Variants in SMC1B observed in about 807,000 individuals in gnomAD.
The protein encoded by SMC1B is structural maintenance of chromosomes 1B, also known as structural maintenance of chromosomes protein 1B.
Under a neutral mutation model 157.9 loss-of-function variants are expected in SMC1B, and 60 were observed. That is an observed-to-expected ratio of 0.38 (90% CI 0.31 to 0.47). The LOEUF (loss-of-function observed/expected upper bound fraction) is 0.47, where lower values mean the gene tolerates loss of function less well. Among genes scored for constraint, SMC1B ranks in the 20% least tolerant of loss-of-function variants. The pLI, the probability that SMC1B is intolerant of heterozygous loss-of-function variation, is 0.99. For missense variants in SMC1B, 1,165 were observed against 1,426.2 expected, an observed-to-expected ratio of 0.82 and a Z score of 2.95; for synonymous variants, 445 against 483.0, an observed-to-expected ratio of 0.92 and a Z score of 1.03.
At chr22:45,392,681 G>A (rs1181449075) in intron 9 of SMC1B, among the ~76,000 whole-genome samples, 1 of 151,970 alleles carries the variant, frequency 6.6e-6, no homozygotes, top group Non-Finnish European at 1.5e-5. Context: ...ATGAAAGTGT[G>A]GATATGGAGG....
intron 1 of SMC1B, among the ~76,000 whole-genome samples, chr22:45,412,444 C>A (rs537173732): frequency 6.6e-6 from 1 of 151,360 alleles, no homozygotes; most frequent in East Asian, 1.9e-4. Context: ...CATGATCCAC[C>A]CGCCTCGGCC....
intron 12 of SMC1B, among the ~76,000 whole-genome samples, chr22:45,380,954 G>T (rs2086930533): frequency 1.3e-5 from 2 of 148,986 alleles, no homozygotes; most frequent in Admixed American, 6.7e-5. Context: ...AACAATAAAA[G>T]AAGTACTTTT....
At chr22:45,388,543 A>G (rs2087015914) in intron 10 of SMC1B, among the ~76,000 whole-genome samples, 2 of 152,202 alleles carry the variant, frequency 1.3e-5, no homozygotes, top group Admixed American at 6.5e-5. Flanking sequence ...GACCATGAGT[A>G]ACACCAGCCA....
In SMC1B at chr22:45,362,995, TA is replaced by T; in HGVS notation, c.2451del (p.Asn818MetfsTer15). 1 of 1,590,572 alleles carries T rather than the reference TA, an allele frequency of 6.3e-7. No individual in the cohort carries two copies. The highest frequency in any genetic ancestry group is 2.3e-5 in the East Asian group (1 of 44,154). Reference sequence around the variant, plus strand: ...CTGCGACTATACTCAAGTTGAACATTAAGCCGAGTTTTTTGTTTTTCAAATT... The same window carrying T: ...CTGCGACTATACTCAAGTTGAACATTAGCCGAGTTTTTTGTTTTTCAAATT... ...RLEFEKQKTR[L>X]NVQLEYSRSH... On this transcript the variant is annotated frameshift_variant, in exon 16 of 25. Transcript: ENST00000357450. LOFTEE classifies it high-confidence loss of function.
intron 19 of SMC1B, 87 bp downstream of exon 19, chr22:45,358,610 C>A: frequency 2.4e-6 from 2 of 823,846 alleles, no homozygotes; most frequent in Non-Finnish European, 3.8e-6. Flanking sequence ...AAAAAACAAA[C>A]TTAATTCTAT....
intron 13 of SMC1B, 143 bp from the exon 14 acceptor site, chr22:45,371,730 C>T (rs1014400613): frequency 1.2e-4 from 121 of 1,036,322 alleles, no homozygotes; most frequent in Middle Eastern, 6.8e-4. Context: ...TTAAATACCA[C>T]ATAAATAATT....
chr22:45,373,082 G>T lies in SMC1B; in HGVS notation c.2059-790C>A, dbSNP rs145873780. On this transcript the variant is annotated intron_variant, in intron 12 of 24. Transcript: ENST00000357450. ...GAAACTCTGAATCTACCTATAACTT[G>T]GAAGTGCTTTCTCCAACCCCCAGCT... Among the ~76,000 whole-genome samples the T allele has an allele frequency of 2.6e-3, 393 of 152,240 alleles. 6 individuals carry two copies. The highest frequency in any genetic ancestry group is 0.024 in the Admixed American group (365 of 15,286).
In SMC1B at chr22:45,344,312, T is replaced by C. The variant is rs2086528121; in HGVS notation, c.*244A>G. The C allele has an allele frequency of 3.4e-6, 1 of 289,870 alleles. No individual in the cohort carries two copies. The highest frequency in any genetic ancestry group is 2.2e-5 in the African/African-American group (1 of 46,154). The allele number at this position is 289,870 out of a possible 1,614,324, so 18.0% of individuals were successfully genotyped here. A position where few individuals can be genotyped will look rare whatever the true frequency, so the allele number is the denominator to read the frequency against. On this transcript the variant is annotated 3_prime_UTR_variant, in exon 25 of 25. Coordinates refer to ENST00000357450, the MANE Select transcript of SMC1B (RefSeq NM_148674.5). Reference sequence around the variant, plus strand: ...AAGTTAGAATTATAGTACAAAATTGTACCTTTTGTTTGTTTTTTAAAAACT... The same window carrying C: ...AAGTTAGAATTATAGTACAAAATTGCACCTTTTGTTTGTTTTTTAAAAACT...
chr22:45,387,557 C>T (rs1211739578), intron 10 of SMC1B, among the ~76,000 whole-genome samples: 1 of 152,138 alleles, frequency 6.6e-6, no homozygotes, highest in Non-Finnish European at 1.5e-5. Flanking sequence ...TTTTTAAAAA[C>T]AAAACTTCAT....
At position 45,354,039 on chromosome 22, in the gene SMC1B, T is replaced by C. The variant is rs2146764104; in HGVS notation, c.3212A>G (p.Glu1071Gly). 1 of 1,603,946 alleles carries C rather than the reference T, an allele frequency of 6.2e-7. No homozygotes were observed. The highest frequency in any genetic ancestry group is 8.5e-7 in the Non-Finnish European group (1 of 1,176,376). ...RRYDLFTQCFEHVSISIDQIY... is the reference protein window; with the variant it reads ...RRYDLFTQCFGHVSISIDQIY... ...TTGATCAATTGAGATTGAGACATGCTCAAAACACTGGGTGAAAAGATCGTA... is the reference window on the plus strand; with the variant it reads ...TTGATCAATTGAGATTGAGACATGCCCAAAACACTGGGTGAAAAGATCGTA... Residue 1071 changes from glutamate (E) to glycine (G), a missense_variant, in exon 21 of 25, where the codon GAG becomes GGG. Physicochemically the swap from Glu to Gly is moderately conservative, Grantham distance 98. Coordinates refer to ENST00000357450, the MANE Select transcript of SMC1B (RefSeq NM_148674.5).
At chr22:45,345,597 C>T (rs1260813639) in intron 23 of SMC1B, 28 bp from the exon 24 acceptor site, 5 of 1,418,346 alleles carry the variant, frequency 3.5e-6, no homozygotes, top group Admixed American at 3.3e-5. Context: ...ACACATTTCA[C>T]TAGGAAGGAA....
chr22:45,363,340 TAA>T (rs2086739783), intron 15 of SMC1B, among the ~76,000 whole-genome samples: 1 of 152,262 alleles, frequency 6.6e-6, no homozygotes, highest in Non-Finnish European at 1.5e-5. Flanking sequence ...GGCTAAAATA[TAA>T]TTCATTAATA....
intron 10 of SMC1B, among the ~76,000 whole-genome samples, chr22:45,388,998 A>AAAAG (rs1349782733): frequency 2.7e-5 from 4 of 150,144 alleles, no homozygotes; most frequent in East Asian, 1.9e-4. Flanking sequence ...AAAAAAAAAA[A>AAAAG]AAAAAAGAAA....
intron 20 of SMC1B, 124 bp from the exon 21 acceptor site, chr22:45,354,256 C>A: frequency 1.5e-6 from 1 of 655,468 alleles, no homozygotes; most frequent in Non-Finnish European, 2.4e-6. Context: ...AAGGTACCTT[C>A]AAAATACCTA....
intron 19 of SMC1B, among the ~76,000 whole-genome samples, chr22:45,357,587 C>G (rs1233403023): frequency 6.6e-6 from 1 of 151,862 alleles, no homozygotes; most frequent in Admixed American, 6.6e-5. Context: ...CTTCCCTTCC[C>G]AAGAAGGGAA....
chr22:45,376,680 C>T (rs1006388854), intron 12 of SMC1B, among the ~76,000 whole-genome samples: 14 of 151,356 alleles, frequency 9.2e-5, no homozygotes, highest in Admixed American at 5.3e-4. Flanking sequence ...TTCCTGAAGT[C>T]TTTTTTCAGT....
At chr22:45,408,493 A>G (rs1445474587) in intron 2 of SMC1B, among the ~76,000 whole-genome samples, 1 of 152,200 alleles carries the variant, frequency 6.6e-6, no homozygotes, top group African/African-American at 2.4e-5. Flanking sequence ...GATTTGAACA[A>G]TTATGTCAGT....
chr22:45,367,182 G>A (rs2086784683), intron 15 of SMC1B, among the ~76,000 whole-genome samples: 2 of 152,148 alleles, frequency 1.3e-5, no homozygotes, highest in African/African-American at 4.8e-5. Flanking sequence ...TCTTGTGGAT[G>A]TACATCTATC....
chr22:45,359,887 T>C lies in SMC1B; in HGVS notation c.2780A>G (p.His927Arg). 1 of 1,614,166 alleles carries C rather than the reference T, an allele frequency of 6.2e-7. No homozygotes were observed. Among genetic ancestry groups the C allele is most frequent in the Non-Finnish European group, 8.5e-7 (1 of 1,179,974 alleles). ...TSLEQKRLEK[H>R]NLLLDCKVQD... ...CACTTTGCAATCAAGCAGCAAGTTA[T>C]GCTTCTCTAATCGTTTCTGTTCCAG... Residue 927 changes from histidine to arginine, a missense_variant, in exon 18 of 25, where the codon CAT (histidine) becomes CGT (arginine). Transcript: ENST00000357450.
Sources: gnomAD v4.1 joint callset for allele counts (sites outside exome capture counted in the v4.1 genomes callset) on GRCh38, gnomAD v4.1.1 for gene constraint, MANE v1.5 for transcripts, NCBI Gene and HGNC (gene_info 2026-07-23, HGNC 2026-07-21) for gene names.